Variants in LSAMP observed in about 807,000 individuals in gnomAD.
LSAMP encodes the protein limbic system associated membrane protein, also known as limbic system-associated membrane protein.
In LSAMP, 7 loss-of-function variants were observed where a neutral mutation model predicts 38.6. The observed-to-expected ratio is 0.18, with a 90% confidence interval of 0.10 to 0.34. The LOEUF is 0.34. Among genes scored for constraint, LSAMP ranks in the 10% least tolerant of loss-of-function variants. LSAMP has a pLI of 1.00. For synonymous variants in LSAMP, 154 were observed against 166.8 expected, an observed-to-expected ratio of 0.92 and a Z score of 0.59; for missense variants, 313 against 420.0, an observed-to-expected ratio of 0.75 and a Z score of 2.23.
chr3:115,818,816 A>ATATATATATATATATATATATATG (rs1934126861), intron 6 of LSAMP, among the ~76,000 whole-genome samples: 1 of 127,264 alleles, frequency 7.9e-6, no homozygotes, highest in Non-Finnish European at 1.7e-5. Flanking sequence ...ATATATATAT[A>ATATATATATATATATATATATATG]TATATAACTG....
chr3:116,157,603 T>C (rs1576399381), intron 1 of LSAMP, among the ~76,000 whole-genome samples: 1 of 152,176 alleles, frequency 6.6e-6, no homozygotes, highest in Middle Eastern at 3.4e-3. Flanking sequence ...CTACTTTAAA[T>C]AAGATATACT....
chr3:116,321,941 A>G (rs1453949561), intron 1 of LSAMP, among the ~76,000 whole-genome samples: 1 of 152,192 alleles, frequency 6.6e-6, no homozygotes, highest in African/African-American at 2.4e-5. Flanking sequence ...AGTGATGCTT[A>G]TTTCATATGT....
At chr3:115,874,182 T>C (rs1936123036) in intron 3 of LSAMP, among the ~76,000 whole-genome samples, 1 of 152,108 alleles carries the variant, frequency 6.6e-6, no homozygotes, top group African/African-American at 2.4e-5. Flanking sequence ...AGCACGTAGA[T>C]TGATTAATGT....
intron 1 of LSAMP, among the ~76,000 whole-genome samples, chr3:116,101,159 C>T (rs889367596): frequency 1.3e-5 from 2 of 152,184 alleles, no homozygotes; most frequent in Non-Finnish European, 2.9e-5. Flanking sequence ...TTTTGCCTCT[C>T]ATCTCACATT....
chr3:115,850,912 C>T (rs547430113), intron 4 of LSAMP, among the ~76,000 whole-genome samples: 12 of 152,230 alleles, frequency 7.9e-5, no homozygotes, highest in African/African-American at 2.9e-4. Flanking sequence ...ACTAATGATG[C>T]TTATCTCATA....
chr3:116,206,463 G>T (rs4494923), intron 1 of LSAMP, among the ~76,000 whole-genome samples: 102,253 of 128,506 alleles, frequency 0.8, 41,666 homozygotes, highest in East Asian at 0.9. Context: ...ATGTGTTTGC[G>T]CTTGCTTTTC....
intron 2 of LSAMP, among the ~76,000 whole-genome samples, chr3:116,036,351 C>T (rs551733234): frequency 1.0e-3 from 152 of 152,236 alleles, no homozygotes; most frequent in South Asian, 2.1e-3. Flanking sequence ...TCATCCATTT[C>T]TTCTTTATTT....
chr3:115,841,913 T>C lies in LSAMP; in HGVS notation c.851A>G (p.His284Arg), dbSNP rs1166708302. 3.7e-6 allele frequency: 6 copies of C among 1,613,924 alleles called. No homozygotes were observed. Among genetic ancestry groups the C allele is most frequent in the South Asian group, 1.1e-5 (1 of 91,060 alleles). ...SLTVTNVTEE[H>R]YGNYTCVAAN... is the part of the protein sequence containing the mutation. ...AGCCACACAGGTGTAGTTGCCGTAGTGCTCCTCAGTGACGTTGGTCACCGT... is the reference window on the plus strand; with the variant it reads ...AGCCACACAGGTGTAGTTGCCGTAGCGCTCCTCAGTGACGTTGGTCACCGT... Residue 284 changes from histidine (H) to arginine (R), a missense_variant, in exon 6 of 7, where the codon CAC (histidine) becomes CGC (arginine). Transcript: ENST00000490035.
chr3:116,368,877 G>A (rs1262425814), intron 1 of LSAMP, among the ~76,000 whole-genome samples: 1 of 151,996 alleles, frequency 6.6e-6, no homozygotes, highest in East Asian at 1.9e-4. Flanking sequence ...TTTAAAAGAT[G>A]GAATATAAAA....
At chr3:116,242,215 C>T (rs769122084) in intron 1 of LSAMP, among the ~76,000 whole-genome samples, 3 of 152,280 alleles carry the variant, frequency 2.0e-5, no homozygotes, top group African/African-American at 4.8e-5. Flanking sequence ...AGGGAAAAAT[C>T]GAGGTCTCCA....
intron 1 of LSAMP, among the ~76,000 whole-genome samples, chr3:116,313,546 G>T (rs1163972979): frequency 6.6e-6 from 1 of 152,162 alleles, no homozygotes; most frequent in Non-Finnish European, 1.5e-5. Context: ...AGTCCACAGG[G>T]GTTGGGCACA....
chr3:116,051,403 A>C (rs764053340), intron 2 of LSAMP, among the ~76,000 whole-genome samples: 1 of 152,242 alleles, frequency 6.6e-6, no homozygotes, highest in Non-Finnish European at 1.5e-5. Context: ...CTTGCAGCAC[A>C]AATCTCCCTT....
intron 4 of LSAMP, among the ~76,000 whole-genome samples, chr3:115,846,662 A>G (rs1033445488): frequency 5.9e-5 from 9 of 152,176 alleles, no homozygotes; most frequent in African/African-American, 2.2e-4. Context: ...ATTTAACCCC[A>G]GGTTTATCAT....
intron 1 of LSAMP, among the ~76,000 whole-genome samples, chr3:116,385,034 T>C (rs2048607061): frequency 6.6e-6 from 1 of 151,940 alleles, no homozygotes; most frequent in Non-Finnish European, 1.5e-5. Flanking sequence ...TGTAAGTTAC[T>C]GAGCTTCACT....
chr3:116,271,701 G>T (rs190952724), intron 1 of LSAMP, among the ~76,000 whole-genome samples: 3 of 151,878 alleles, frequency 2.0e-5, no homozygotes, highest in East Asian at 3.9e-4. Context: ...AAATATAATC[G>T]ACTTTGTGGA....
intron 1 of LSAMP, among the ~76,000 whole-genome samples, chr3:116,441,566 G>C (rs1363871088): frequency 1.3e-5 from 2 of 152,164 alleles, no homozygotes; most frequent in African/African-American, 4.8e-5. Flanking sequence ...TCTTTGACTT[G>C]TAAGAGAACT....
At chr3:116,036,404 T>C (rs114657367) in intron 2 of LSAMP, among the ~76,000 whole-genome samples, 54 of 152,308 alleles carry the variant, frequency 3.5e-4, no homozygotes, top group Non-Finnish European at 7.4e-4. Flanking sequence ...GCCGTCACCT[T>C]GTAAGAGATA....
chr3:116,019,580 G>A lies in LSAMP; in HGVS notation c.449C>T (p.Thr150Ile), dbSNP rs1462745742. 7.4e-6 allele frequency: 12 copies of A among 1,613,052 alleles called. No homozygotes were observed. The highest frequency in any genetic ancestry group is 1.0e-5 in the Non-Finnish European group (12 of 1,179,260). ...ACGGCCATTGGCCATGCAGACCAGA[G>A]TCACGTTGCTGCCCTCATTCACAGT... is the stretch of plus-strand genomic sequence containing the variant. ...DVTVNEGSNV[T>I]LVCMANGRPE... The change falls in exon 3 of 7, where the codon ACT becomes ATT. Residue 150 changes from threonine (T) to isoleucine (I), a missense_variant. Thr to Ile is a moderately conservative substitution (Grantham distance 89). Transcript: ENST00000490035.
chr3:116,225,327 A>G (rs2046330987), intron 1 of LSAMP, among the ~76,000 whole-genome samples: 1 of 152,184 alleles, frequency 6.6e-6, no homozygotes, highest in South Asian at 2.1e-4. Flanking sequence ...TTGGAGGTAT[A>G]CTGCCGCAAG....
Sources: allele counts gnomAD v4.1 joint callset (sites outside exome capture counted in the v4.1 genomes callset), GRCh38; gene constraint gnomAD v4.1.1; transcripts MANE v1.5; gene names NCBI Gene and HGNC (gene_info 2026-07-23, HGNC 2026-07-21).